ZFHX3: variants seen among roughly 807,000 people sequenced by gnomAD.
ZFHX3 encodes zinc finger homeobox 3.
ZFHX3 carries 42 observed loss-of-function variants against 279.1 expected under a neutral mutation model. That is an observed-to-expected ratio of 0.15 (90% CI 0.12 to 0.19). The LOEUF is 0.19. ZFHX3 is among the 10% of genes least tolerant of loss of function. The probability of loss-of-function intolerance (pLI) is 1.00; values close to 1 mark genes in which losing one functional copy is unlikely to be tolerated. For missense variants in ZFHX3, 4,981 were observed against 4,754.0 expected, an observed-to-expected ratio of 1.05 and a Z score of -1.40; for synonymous variants, 2,293 against 1,957.8, an observed-to-expected ratio of 1.17 and a Z score of -4.52.
intron 3 of ZFHX3, among the ~76,000 whole-genome samples, chr16:73,359,880 T>C (rs901214737): frequency 3.3e-5 from 5 of 149,564 alleles, no homozygotes; most frequent in Admixed American, 2.7e-4. Context: ...GTATTGATCA[T>C]GGGGGGTGGT....
intron 2 of ZFHX3, among the ~76,000 whole-genome samples, chr16:73,583,017 G>T (rs986974273): frequency 5.9e-5 from 9 of 152,118 alleles, no homozygotes; most frequent in Non-Finnish European, 8.8e-5. Flanking sequence ...CATTTTCTTT[G>T]CACTAGTCTT....
chr16:73,593,313 T>G (rs2052017514), intron 2 of ZFHX3, among the ~76,000 whole-genome samples: 1 of 151,844 alleles, frequency 6.6e-6, no homozygotes, highest in South Asian at 2.1e-4. Flanking sequence ...GACAAGTACA[T>G]TATGAGAAAA....
intron 1 of ZFHX3, among the ~76,000 whole-genome samples, chr16:73,702,450 A>G (rs929454978): frequency 2.0e-5 from 3 of 152,198 alleles, no homozygotes; most frequent in Non-Finnish European, 4.4e-5. Flanking sequence ...ACAGACAGGT[A>G]AACAAGAGCA....
In ZFHX3 at chr16:72,796,640, C is replaced by A. The variant is rs62051555; in HGVS notation, c.6042G>T (p.Gln2014His). The change falls in exon 9 of 10, where the codon CAG (glutamine) becomes CAT (histidine). Residue 2014 changes from glutamine to histidine, a missense_variant. This residue lies in a region of ZFHX3 where 1,751 missense variants were observed against 1,770.0 expected (regional missense o/e 0.99). Transcript: ENST00000268489. ...TGTACTGTTTGGCAAACCTCTCGAGCTGTTTGAAAGGAAAGTAATTCTGAT... is the reference window on the plus strand; with the variant it reads ...TGTACTGTTTGGCAAACCTCTCGAGATGTTTGAAAGGAAAGTAATTCTGAT... The part of the protein sequence containing the change: ...HVHQNYFPFK[Q>H]LERFAKQYRD... 1.2e-6 allele frequency: 2 copies of A among 1,613,866 alleles called. No individual in the cohort carries two copies. The highest frequency in any genetic ancestry group is 1.7e-6 in the Non-Finnish European group (2 of 1,180,008).
intron 2 of ZFHX3, among the ~76,000 whole-genome samples, chr16:73,561,637 T>G (rs915363130): frequency 4.0e-5 from 6 of 150,682 alleles, no homozygotes; most frequent in African/African-American, 1.5e-4. Context: ...TCAAAATAAC[T>G]AGGGTTTATT....
chr16:73,806,604 G>A (rs1275550834), intron 1 of ZFHX3, among the ~76,000 whole-genome samples: 5 of 152,108 alleles, frequency 3.3e-5, no homozygotes, highest in East Asian at 1.9e-4. Flanking sequence ...GTTGGTGGGG[G>A]GGGTCAAGTA....
intron 3 of ZFHX3, among the ~76,000 whole-genome samples, chr16:73,397,815 G>T (rs1240780491): frequency 1.3e-5 from 2 of 149,516 alleles, no homozygotes; most frequent in Non-Finnish European, 3.0e-5. Flanking sequence ...TCTTGGAAAT[G>T]GGGGGGACAT....
chr16:73,496,920 C>G (rs1032082382), intron 2 of ZFHX3, among the ~76,000 whole-genome samples: 2 of 152,156 alleles, frequency 1.3e-5, no homozygotes, highest in African/African-American at 4.8e-5. Context: ...TGTCAGACAG[C>G]CTTCTTGTGA....
intron 2 of ZFHX3, among the ~76,000 whole-genome samples, chr16:73,534,865 T>A (rs1268155518): frequency 6.6e-6 from 1 of 152,114 alleles, no homozygotes; most frequent in East Asian, 1.9e-4. Context: ...TAGATTTTGG[T>A]GGGTATAATC....
At chr16:73,025,160 A>C (rs1399240263) in intron 1 of ZFHX3, among the ~76,000 whole-genome samples, 1 of 152,196 alleles carries the variant, frequency 6.6e-6, no homozygotes. Flanking sequence ...TATGAGAGCA[A>C]TTGGGAGGAG....
At chr16:73,483,390 C>T (rs2018908471) in intron 2 of ZFHX3, 2 of 454,058 alleles carry the variant, frequency 4.4e-6, no homozygotes, top group South Asian at 1.5e-5. Context: ...GAGCCGGGAG[C>T]CAGGGTAGGG....
chr16:73,591,692 C>CAAAAAAAAAAAAAAAAAAAAAA (rs57402211), intron 2 of ZFHX3, among the ~76,000 whole-genome samples: 1 of 33,440 alleles, frequency 3.0e-5, no homozygotes, highest in African/African-American at 9.6e-5. Flanking sequence ...GACTCTGTCT[C>CAAAAAAAAAAAAAAAAAAAAAA]AAAAAAAAAA....
intron 1 of ZFHX3, among the ~76,000 whole-genome samples, chr16:73,788,373 C>T (rs557656289): frequency 6.6e-6 from 1 of 152,300 alleles, no homozygotes; most frequent in Non-Finnish European, 1.5e-5. Flanking sequence ...ACACCCAGCA[C>T]AGGTTTATAT....
chr16:73,775,998 T>A (rs1959234593), intron 1 of ZFHX3, among the ~76,000 whole-genome samples: 1 of 152,198 alleles, frequency 6.6e-6, no homozygotes, highest in Admixed American at 6.5e-5. Flanking sequence ...CAAAAGGTAC[T>A]AAATTCTTGC....
chr16:73,760,167 G>A (rs1485825976), intron 1 of ZFHX3, among the ~76,000 whole-genome samples: 7 of 151,958 alleles, frequency 4.6e-5, no homozygotes, highest in African/African-American at 1.4e-4. Flanking sequence ...CACCTCTATG[G>A]AAATAAACTA....
intron 1 of ZFHX3, among the ~76,000 whole-genome samples, chr16:73,690,361 T>A (rs2053136506): frequency 1.3e-5 from 2 of 152,238 alleles, no homozygotes; most frequent in African/African-American, 4.8e-5. Context: ...CCCCTAGGAA[T>A]CTGCTTGAAG....
chr16:73,019,921 A>G (rs1336964435), intron 1 of ZFHX3, among the ~76,000 whole-genome samples: 1 of 152,202 alleles, frequency 6.6e-6, no homozygotes, highest in Non-Finnish European at 1.5e-5. Context: ...GTTTTTAAAA[A>G]ATGTCTGTTC....
chr16:73,131,161 T>C (rs1260240803), intron 6 of ZFHX3: 2 of 432,930 alleles, frequency 4.6e-6, no homozygotes, highest in East Asian at 7.3e-5. Context: ...TGAAAGAACA[T>C]ATGAAAATAC....
intron 4 of ZFHX3, among the ~76,000 whole-genome samples, chr16:73,290,139 T>C (rs528667754): frequency 3.3e-5 from 5 of 152,276 alleles, no homozygotes; most frequent in South Asian, 2.1e-4. Flanking sequence ...GCTCGCCATA[T>C]TCCCCAGTGC....
Sources: allele counts gnomAD v4.1 joint callset (sites outside exome capture counted in the v4.1 genomes callset), GRCh38; gene constraint gnomAD v4.1.1; regional missense constraint gnomAD v4.1.1; transcripts MANE v1.5; gene names NCBI Gene and HGNC (gene_info 2026-07-23, HGNC 2026-07-21).